Variants in TRAPPC8 observed in about 807,000 individuals in gnomAD.
TRAPPC8 encodes the protein trafficking protein particle complex subunit 8.
TRAPPC8 carries 54 observed loss-of-function variants against 174.3 expected under a neutral mutation model. That is an observed-to-expected ratio of 0.31 (90% CI 0.25 to 0.39). The LOEUF (loss-of-function observed/expected upper bound fraction) is 0.39, where lower values mean the gene tolerates loss of function less well. Ranked by LOEUF, TRAPPC8 falls within the 10% of genes least tolerant of loss-of-function variation. The pLI is 1.00. For missense variants in TRAPPC8, 1,531 were observed against 1,699.1 expected, an observed-to-expected ratio of 0.90 and a Z score of 1.74; for synonymous variants, 630 against 579.9, an observed-to-expected ratio of 1.09 and a Z score of -1.24.
chr18:31,871,164 C>A, intron 14 of TRAPPC8, 44 bp from the exon 15 acceptor site: 1 of 1,151,832 alleles, frequency 8.7e-7, no homozygotes. Context: ...GACTTGCCCT[C>A]AAATAAAACA....
chr18:31,908,367 AT>A lies in TRAPPC8; in HGVS notation c.1173del (p.Lys391AsnfsTer16), dbSNP rs1390346780. On this transcript the variant is annotated frameshift_variant, in exon 8 of 29. Coordinates refer to ENST00000283351, the MANE Select transcript of TRAPPC8 (RefSeq NM_014939.5). LOFTEE classifies it high-confidence loss of function. ...LSRSLFSATK[K>X]WFSGSKVPEK... is the part of the protein sequence containing the mutation. ...TCTGGAACTTTACTGCCACTAAACC[AT>A]TTTTTAGTTGCAGAAAATAGAGATC... The A allele has an allele frequency of 6.2e-7, 1 of 1,606,726 alleles. No individual in the cohort carries two copies. Among genetic ancestry groups the A allele is most frequent in the Admixed American group, 1.7e-5 (1 of 58,912 alleles).
intron 23 of TRAPPC8, 44 bp downstream of exon 23, chr18:31,852,551 A>G: frequency 6.2e-7 from 1 of 1,613,870 alleles, no homozygotes; most frequent in Middle Eastern, 1.7e-4. Context: ...GGCATAAAAT[A>G]TAAAATGACC....
intron 14 of TRAPPC8, among the ~76,000 whole-genome samples, chr18:31,871,328 TGAAA>T (rs1212007933): frequency 2.0e-5 from 3 of 152,138 alleles, no homozygotes; most frequent in Non-Finnish European, 4.4e-5. Flanking sequence ...CTCCTGACTC[TGAAA>T]GAATGTATTT....
chr18:31,853,827 G>A (rs766039766), intron 22 of TRAPPC8, 22 bp downstream of exon 22: 26 of 1,565,932 alleles, frequency 1.7e-5, no homozygotes. Context: ...AATTTATTAT[G>A]TAGCAGGAAA....
At chr18:31,832,598 T>C (rs1017578059) in intron 27 of TRAPPC8, 4 of 152,218 alleles carry the variant, frequency 2.6e-5, no homozygotes, top group African/African-American at 9.7e-5. Context: ...CTGACATTTG[T>C]TTTTCTATCA....
intron 2 of TRAPPC8, among the ~76,000 whole-genome samples, chr18:31,921,540 C>T (rs186164031): frequency 6.7e-6 from 1 of 148,756 alleles, no homozygotes; most frequent in East Asian, 2.0e-4. Flanking sequence ...CACTTGAACT[C>T]GGGAGGTGGA....
chr18:31,848,790 TA>T (rs1464669037), intron 25 of TRAPPC8, among the ~76,000 whole-genome samples: 2 of 152,158 alleles, frequency 1.3e-5, no homozygotes, highest in Non-Finnish European at 2.9e-5. Flanking sequence ...TACTGCAGAA[TA>T]ATTTTTAAAA....
chr18:31,880,223 C>T (rs936034111), intron 12 of TRAPPC8, among the ~76,000 whole-genome samples: 1 of 148,952 alleles, frequency 6.7e-6, no homozygotes. Flanking sequence ...AGTCAATACC[C>T]ATGATGAACA....
chr18:31,917,377 A>G (rs1314713773), intron 3 of TRAPPC8, among the ~76,000 whole-genome samples: 2 of 151,596 alleles, frequency 1.3e-5, no homozygotes, highest in Non-Finnish European at 2.9e-5. Context: ...ATCAAAAACC[A>G]AATTGATTAA....
rs1465091339 is a variant in TRAPPC8 at position 31,846,756 on chromosome 18, CGAA to C, written c.3794_3796del (p.Leu1265del). Reference sequence around the variant, plus strand: ...TGAAAAGGCTTCTTTTCCTATAGTGCGAAGAATAACATGATGTTGACCTTCCAA... The same window carrying C: ...TGAAAAGGCTTCTTTTCCTATAGTGCGAATAACATGATGTTGACCTTCCAA... On this transcript the variant is annotated inframe_deletion, in exon 26 of 29. Coordinates refer to ENST00000283351, the MANE Select transcript of TRAPPC8 (RefSeq NM_014939.5). 1 of 1,612,730 alleles carries C rather than the reference CGAA, an allele frequency of 6.2e-7. No homozygotes were observed. Among genetic ancestry groups the C allele is most frequent in the South Asian group, 1.1e-5 (1 of 90,894 alleles).
chr18:31,891,021 G>T, intron 11 of TRAPPC8, 155 bp from the exon 12 acceptor site: 1 of 506,310 alleles, frequency 2.0e-6, no homozygotes, highest in Non-Finnish European at 3.0e-6. Flanking sequence ...AACCAATCTT[G>T]ATTTTTCCAA....
At chr18:31,908,179 C>T in intron 8 of TRAPPC8, 124 bp downstream of exon 8, 1 of 508,268 alleles carries the variant, frequency 2.0e-6, no homozygotes, top group Non-Finnish European at 3.2e-6. Context: ...TTCTTATCCA[C>T]CTGAATTTTC....
At chr18:31,936,237 T>C (rs2038091685) in intron 1 of TRAPPC8, among the ~76,000 whole-genome samples, 2 of 150,728 alleles carry the variant, frequency 1.3e-5, no homozygotes, top group African/African-American at 4.9e-5. Flanking sequence ...GGCTGGCAGA[T>C]CGCTTGAGTC....
At chr18:31,882,655 C>A (rs1007392081) in intron 12 of TRAPPC8, among the ~76,000 whole-genome samples, 1 of 151,844 alleles carries the variant, frequency 6.6e-6, no homozygotes, top group Non-Finnish European at 1.5e-5. Flanking sequence ...CTCGCTCTGT[C>A]GCTCAGGTTG....
intron 19 of TRAPPC8, 74 bp from the exon 20 acceptor site, chr18:31,858,056 C>T: frequency 8.3e-7 from 1 of 1,203,674 alleles, no homozygotes; most frequent in Non-Finnish European, 1.1e-6. Context: ...CACTTTAAGA[C>T]ACTTTTTTTT....
intron 11 of TRAPPC8, among the ~76,000 whole-genome samples, chr18:31,895,513 G>A (rs992646074): frequency 6.6e-6 from 1 of 151,918 alleles, no homozygotes; most frequent in Non-Finnish European, 1.5e-5. Context: ...AAAGAAAAGT[G>A]GAAACAAAGA....
At chr18:31,895,050 A>C (rs1018413682) in intron 11 of TRAPPC8, among the ~76,000 whole-genome samples, 1 of 152,192 alleles carries the variant, frequency 6.6e-6, no homozygotes, top group Non-Finnish European at 1.5e-5. Flanking sequence ...TAAAACAAAA[A>C]ATATGATTCA....
chr18:31,926,170 G>T (rs371447892), intron 2 of TRAPPC8, among the ~76,000 whole-genome samples: 1 of 151,868 alleles, frequency 6.6e-6, no homozygotes. Flanking sequence ...CCTTTCCCCC[G>T]ATTAAAGTAT....
intron 21 of TRAPPC8, 112 bp downstream of exon 21, chr18:31,855,548 C>G: frequency 1.1e-6 from 1 of 881,748 alleles, no homozygotes; most frequent in Non-Finnish European, 1.7e-6. Flanking sequence ...ATGAACATTC[C>G]TAAAATCCCT....
Sources: gnomAD v4.1 joint callset for allele counts (sites outside exome capture counted in the v4.1 genomes callset) on GRCh38, gnomAD v4.1.1 for gene constraint, MANE v1.5 for transcripts, NCBI Gene and HGNC (gene_info 2026-07-23, HGNC 2026-07-21) for gene names.